DNAH1: variants seen among roughly 807,000 people sequenced by gnomAD.
DNAH1 encodes the protein axonemal beta dynein heavy chain 1.
In DNAH1, 327 loss-of-function variants were observed where a neutral mutation model predicts 484.3. That is an observed-to-expected ratio of 0.68 (90% confidence interval 0.62 to 0.74). DNAH1 has a LOEUF of 0.74. Ranked by LOEUF, DNAH1 falls within the 30% of genes least tolerant of loss-of-function variation. DNAH1 has a pLI of 0.00. For synonymous variants in DNAH1, 2,192 were observed against 2,191.9 expected (o/e 1.00, Z 0.00); for missense variants, 5,052 against 5,546.8 (o/e 0.91, Z 2.83).
intron 10 of DNAH1, among the ~76,000 whole-genome samples, chr3:52,346,176 C>T (rs1299049320): frequency 6.6e-6 from 1 of 152,222 alleles, no homozygotes; most frequent in Non-Finnish European, 1.5e-5. Flanking sequence ...CTTCTCTCAT[C>T]TCAATCTCTG....
Position 52,361,882 on chromosome 3 carries a change from C to T in DNAH1, c.4980+116C>T. 3 of 1,141,014 alleles carry T rather than the reference C, an allele frequency of 2.6e-6. No homozygotes were observed. The highest frequency in any genetic ancestry group is 2.6e-5 in the East Asian group (1 of 38,652). The allele number at this position is 1,141,014 out of a possible 1,614,324, so 70.7% of individuals were successfully genotyped here. A position where few individuals can be genotyped will look rare whatever the true frequency, so the allele number is the denominator to read the frequency against. On this transcript the variant is annotated intron_variant, in intron 30 of 77. Coordinates refer to ENST00000420323, the MANE Select transcript of DNAH1 (RefSeq NM_015512.5). The surrounding 1 kb of genome is among the most constrained non-coding windows in gnomAD (Gnocchi z 5.6). Reference sequence around the variant, plus strand: ...AAGGTCCACCCTGGGTCCAGCCTCTCTTGTCCCGGGGGCACACCCTAACCC... The same window carrying T: ...AAGGTCCACCCTGGGTCCAGCCTCTTTTGTCCCGGGGGCACACCCTAACCC...
intron 22 of DNAH1, among the ~76,000 whole-genome samples, chr3:52,357,037 T>TG (rs1170960670): frequency 3.3e-5 from 5 of 151,016 alleles, no homozygotes; most frequent in Admixed American, 2.0e-4. Flanking sequence ...TTTTTTTTTT[T>TG]TTGTTTTTTT....
intron 22 of DNAH1, 55 bp downstream of exon 22, chr3:52,356,833 A>C (rs1408118973): frequency 9.1e-6 from 14 of 1,544,900 alleles, no homozygotes; most frequent in Non-Finnish European, 1.2e-5. Flanking sequence ...CCCTGGTCAC[A>C]TTGCTGGTAG....
chr3:52,374,197 T>C (rs539872598), intron 44 of DNAH1: 2 of 1,332,436 alleles, frequency 1.5e-6, no homozygotes, highest in East Asian at 2.3e-5. Flanking sequence ...GGTTTATTTA[T>C]GAAACAGAGC....
In DNAH1 at chr3:52,395,427, C is replaced by G; in HGVS notation, c.11088C>G (p.Phe3696Leu). The change falls in exon 69 of 78, where the codon TTC becomes TTG. Residue 3696 changes from phenylalanine (F) to leucine (L), a missense_variant. Physicochemically the swap from Phe to Leu is conservative, Grantham distance 22. Around this residue, in one of 4 missense-constraint regions of DNAH1, gnomAD observed 853 missense variants for 899.0 expected, o/e 0.95. Coordinates refer to ENST00000420323, the MANE Select transcript of DNAH1 (RefSeq NM_015512.5). The surrounding 1 kb of genome is among the most constrained non-coding windows in gnomAD (Gnocchi z 4.4). ...ACAAGTTTGCCGAAGAAATGAAGTTCTCCAAAAAGCTCTCTGCCATCTCCC... is the reference window on the plus strand; with the variant it reads ...ACAAGTTTGCCGAAGAAATGAAGTTGTCCAAAAAGCTCTCTGCCATCTCCC... ...DLYKFAEEMK[F>L]SKKLSAISLG... 4 of 1,613,932 alleles carry G rather than the reference C, an allele frequency of 2.5e-6. No homozygotes were observed. Among genetic ancestry groups the G allele is most frequent in the Non-Finnish European group, 3.4e-6 (4 of 1,179,890 alleles).
At position 52,361,731 on chromosome 3, in the gene DNAH1, C is replaced by T. The variant is rs1264434715; in HGVS notation, c.4945C>T (p.Gln1649Ter). 6.2e-7 allele frequency: 1 copy of T among 1,610,700 alleles called. No homozygotes were observed. The highest frequency in any genetic ancestry group is 8.5e-7 in the Non-Finnish European group (1 of 1,178,644). ...CGAGGTGCTGTCTGTGGTGGCGCAGCAGATCACCACCATCCAGAAGGCGCA... is the reference window on the plus strand; with the variant it reads ...CGAGGTGCTGTCTGTGGTGGCGCAGTAGATCACCACCATCCAGAAGGCGCA... ...DIEVLSVVAQ[Q>*]ITTIQKAQQQ... The change falls in exon 30 of 78, where the codon CAG becomes TAG. Residue 1649 changes from glutamine (Q) to a stop codon, truncating the protein, a stop_gained. Transcript: ENST00000420323. LOFTEE classifies it high-confidence loss of function. This position sits in a 1 kb window ranked among gnomAD's most constrained non-coding sequence, Gnocchi z 5.6.
rs765099966 is a variant in DNAH1, at chr3:52,392,878, C to T, written c.10327C>T (p.Arg3443Cys). 8 of 1,611,616 alleles carry T rather than the reference C, an allele frequency of 5.0e-6. No homozygotes were observed. The highest frequency in any genetic ancestry group is 5.1e-6 in the Non-Finnish European group (6 of 1,179,336). ...GACGGAGAAGGACATCGACCTGACG[C>T]GCATGGAGTACATACCCGTGGCCAT... ...EQTEKDIDLT[R>C]MEYIPVAIRT... The change falls in exon 65 of 78, where the codon CGC (arginine) becomes TGC (cysteine). Residue 3443 changes from arginine to cysteine, a missense_variant. Arg to Cys is a radical substitution (Grantham distance 180). Around this residue, in one of 4 missense-constraint regions of DNAH1, gnomAD observed 2,929 missense variants for 3,409.4 expected, o/e 0.86. Transcript: ENST00000420323.
chr3:52,361,481 G>T lies in DNAH1; in HGVS notation c.4874+129G>T. 2 of 1,286,770 alleles carry T rather than the reference G, an allele frequency of 1.6e-6. No homozygotes were observed. Among genetic ancestry groups the T allele is most frequent in the Non-Finnish European group, 1.1e-6 (1 of 939,558 alleles). The allele number at this position is 1,286,770 out of a possible 1,614,324, so 79.7% of individuals were successfully genotyped here. ...TGGAGGGGACAGAAGGGGGTAATAG[G>T]CATCACGGCTTGGTCCTGGGGGCAT... is the stretch of plus-strand genomic sequence containing the variant. On this transcript the variant is annotated intron_variant, in intron 29 of 77. Coordinates refer to ENST00000420323, the MANE Select transcript of DNAH1 (RefSeq NM_015512.5). The surrounding 1 kb of genome is among the most constrained non-coding windows in gnomAD (Gnocchi z 5.6).
chr3:52,361,144 A>C lies in DNAH1; in HGVS notation c.4686-20A>C, dbSNP rs1408535916. 6.5e-7 allele frequency: 1 copy of C among 1,538,408 alleles called. No homozygotes were observed. On this transcript the variant is annotated intron_variant, in intron 28 of 77. Coordinates refer to ENST00000420323, the MANE Select transcript of DNAH1 (RefSeq NM_015512.5). The surrounding 1 kb of genome is among the most constrained non-coding windows in gnomAD (Gnocchi z 5.6). ...TCCAGGCCATGTGCGGCCCGAGCCC[A>C]CCTCCTCTGTCTCCTGCAGGTGCTA...
chr3:52,365,536 G>C (rs991947103), intron 34 of DNAH1, among the ~76,000 whole-genome samples: 1 of 152,184 alleles, frequency 6.6e-6, no homozygotes, highest in Non-Finnish European at 1.5e-5. Flanking sequence ...CCATGTGTCT[G>C]GGAGGGCTGG....
intron 44 of DNAH1, chr3:52,373,673 A>AAAGAAGTTTTTTATC (rs1204802458): frequency 7.1e-7 from 1 of 1,400,560 alleles, no homozygotes; most frequent in African/African-American, 1.4e-5. Flanking sequence ...CTGCTGATCA[A>AAAGAAGTTTTTTATC]AAGAAGTTTT....
Position 52,345,626 on chromosome 3 carries a change from A to G in DNAH1, c.1576A>G (p.Met526Val), listed in dbSNP as rs1214390119. 7 of 1,610,618 alleles carry G rather than the reference A, an allele frequency of 4.3e-6. No individual in the cohort carries two copies. In the South Asian group the frequency reaches 6.6e-5, roughly 15 times the overall value. The change falls in exon 10 of 78, where the codon ATG becomes GTG. Residue 526 changes from methionine to valine, a missense_variant. By Grantham distance (21) the Met-to-Val change is conservative (BLOSUM62 1). Around this residue, in one of 4 missense-constraint regions of DNAH1, gnomAD observed 1,263 missense variants for 1,218.8 expected, o/e 1.04. Transcript: ENST00000420323. ...VRAECNKVTA[M>V]SLFHSSLSKY... is the part of the protein sequence containing the mutation. ...GGCCGAGTGCAACAAGGTGACCGCCATGTCCCTGTTCCACTCGAGCCTCTC... is the reference window on the plus strand; with the variant it reads ...GGCCGAGTGCAACAAGGTGACCGCCGTGTCCCTGTTCCACTCGAGCCTCTC...
intron 56 of DNAH1, among the ~76,000 whole-genome samples, chr3:52,387,661 G>A (rs1342810336): frequency 6.6e-6 from 1 of 152,190 alleles, no homozygotes; most frequent in Non-Finnish European, 1.5e-5. Context: ...CTGGTGCTTA[G>A]GCTCCCCTGG....
chr3:52,372,260 A>C lies in DNAH1; in HGVS notation c.6700A>C (p.Thr2234Pro). ...CATTGGGCCAACAGGCACGGGGAAGACGCTCACCATCTCTGACAAGCTCCT... is the reference window on the plus strand; with the variant it reads ...CATTGGGCCAACAGGCACGGGGAAGCCGCTCACCATCTCTGACAAGCTCCT... ...LCIGPTGTGK[T>P]LTISDKLLKN... Residue 2234 changes from threonine (T) to proline (P), a missense_variant, in exon 43 of 78, where the codon ACG becomes CCG. Transcript: ENST00000420323. 6.2e-7 allele frequency: 1 copy of C among 1,613,922 alleles called. No homozygotes were observed. Among genetic ancestry groups the C allele is most frequent in the African/African-American group, 1.3e-5 (1 of 75,022 alleles).
chr3:52,352,159 A>C, intron 17 of DNAH1, 56 bp downstream of exon 17: 1 of 1,541,370 alleles, frequency 6.5e-7, no homozygotes, highest in Non-Finnish European at 8.8e-7. Flanking sequence ...ACGCACGCAC[A>C]GTTCTCCAGG....
intron 75 of DNAH1, among the ~76,000 whole-genome samples, chr3:52,398,462 G>A (rs964669213): frequency 6.6e-6 from 1 of 152,130 alleles, no homozygotes; most frequent in Non-Finnish European, 1.5e-5. Context: ...GCTAATTTTT[G>A]TATTTTTAAT....
chr3:52,346,805 C>A, intron 11 of DNAH1, 35 bp downstream of exon 11: 1 of 1,573,524 alleles, frequency 6.4e-7, no homozygotes, highest in South Asian at 1.2e-5. Flanking sequence ...CCTGTTGACA[C>A]CAGGTGATGT....
intron 47 of DNAH1, 102 bp downstream of exon 47, chr3:52,378,882 G>C: frequency 8.2e-6 from 12 of 1,468,220 alleles, no homozygotes; most frequent in Non-Finnish European, 1.0e-5. Context: ...GCCCTGAGTG[G>C]GGCTTCCTGG....
Position 52,400,410 on chromosome 3 carries a change from G to A in DNAH1, c.12762G>A (p.Lys4254=), listed in dbSNP as rs547576357. 10 of 1,614,056 alleles carry A rather than the reference G, an allele frequency of 6.2e-6. No individual in the cohort carries two copies. The African/African-American group carries it at 1.3e-4, about 22-fold the overall frequency. ...PTHQPQRHWI[K]RGVALICALD... ...ATCAGCCCCAGCGACACTGGATAAA[G>A]CGTGGTGTGGCCCTCATCTGTGCCC... Residue 4254 remains lysine (K), a synonymous_variant, in exon 78 of 78, where the codon AAG becomes AAA. Transcript: ENST00000420323.
Sources: gnomAD v4.1 joint callset for allele counts (sites outside exome capture counted in the v4.1 genomes callset) on GRCh38, gnomAD v4.1.1 for gene constraint, gnomAD v4.1.1 regional missense constraint, Gnocchi (gnomAD v3.1) non-coding constraint, MANE v1.5 for transcripts, NCBI Gene and HGNC (gene_info 2026-07-23, HGNC 2026-07-21) for gene names.